The following LEKR1 variants were observed in gnomAD, a reference collection of about 807,000 sequenced individuals.
The protein encoded by LEKR1 is protein LEKR1.
Under a neutral mutation model 72.4 loss-of-function variants are expected in LEKR1, and 59 were observed. The observed-to-expected ratio is 0.82, with a 90% CI of 0.66 to 1.01. The LOEUF (loss-of-function observed/expected upper bound fraction) is 1.01. LEKR1 is among the 50% of genes least tolerant of loss of function. LEKR1 has a pLI of 0.00. For synonymous variants in LEKR1, 257 were observed against 263.2 expected, an observed-to-expected ratio of 0.98 and a Z score of 0.23; for missense variants, 728 against 759.2, an observed-to-expected ratio of 0.96 and a Z score of 0.48.
intron 6 of LEKR1, among the ~76,000 whole-genome samples, chr3:156,961,630 T>C (rs1728142020): frequency 6.6e-6 from 1 of 152,218 alleles, no homozygotes; most frequent in Admixed American, 6.5e-5. Flanking sequence ...GTAGCTTGTT[T>C]AGTGCTTGTG....
intron 3 of LEKR1, among the ~76,000 whole-genome samples, chr3:156,916,782 T>G (rs1723696617): frequency 6.6e-6 from 1 of 152,082 alleles, no homozygotes; most frequent in South Asian, 2.1e-4. Flanking sequence ...GTCAGAACTT[T>G]CAATAATATG....
intron 3 of LEKR1, among the ~76,000 whole-genome samples, chr3:156,904,611 A>G (rs1295654031): frequency 6.6e-6 from 1 of 150,858 alleles, no homozygotes; most frequent in Non-Finnish European, 1.5e-5. Context: ...GACACGCCAC[A>G]CTACACCCAG....
At chr3:157,006,022 G>A (rs1281334199) in intron 9 of LEKR1, among the ~76,000 whole-genome samples, 3 of 146,212 alleles carry the variant, frequency 2.1e-5, no homozygotes, top group East Asian at 3.9e-4. Context: ...TTTTTGAGAC[G>A]GAGTCTCGCT....
chr3:156,856,575 T>C (rs1307032226), intron 3 of LEKR1, among the ~76,000 whole-genome samples: 1 of 152,148 alleles, frequency 6.6e-6, no homozygotes, highest in Non-Finnish European at 1.5e-5. Flanking sequence ...AGGCTTCTTA[T>C]CCAGGAACAT....
At chr3:156,999,070 C>T (rs546596853) in intron 9 of LEKR1, among the ~76,000 whole-genome samples, 107 of 152,264 alleles carry the variant, frequency 7.0e-4, no homozygotes, top group African/African-American at 2.4e-3. Flanking sequence ...TTGCCCGGCA[C>T]TCACTCCATC....
At chr3:156,922,625 T>C (rs1032487713) in intron 4 of LEKR1, among the ~76,000 whole-genome samples, 15 of 152,330 alleles carry the variant, frequency 9.8e-5, no homozygotes, top group Non-Finnish European at 1.8e-4. Context: ...ATCTGTGTTT[T>C]CCCTGACATC....
intron 12 of LEKR1, among the ~76,000 whole-genome samples, chr3:157,031,990 A>T (rs1276896318): frequency 6.6e-6 from 1 of 152,106 alleles, no homozygotes; most frequent in African/African-American, 2.4e-5. Flanking sequence ...AAAATGGAAA[A>T]TAAAACTGTG....
intron 9 of LEKR1, among the ~76,000 whole-genome samples, chr3:157,010,425 T>C (rs947589182): frequency 2.6e-5 from 4 of 152,038 alleles, no homozygotes; most frequent in Admixed American, 1.3e-4. Flanking sequence ...GGAAAGATCA[T>C]AGGAGATGAT....
chr3:156,952,769 T>A (rs1403065756), intron 6 of LEKR1, among the ~76,000 whole-genome samples: 4 of 151,542 alleles, frequency 2.6e-5, no homozygotes, highest in Non-Finnish European at 4.4e-5. Context: ...AAGTTATTCT[T>A]TGAAGCATAG....
In LEKR1 at chr3:156,920,367, C is replaced by T. The variant is rs538024569; in HGVS notation, c.264-208C>T. Among the ~76,000 whole-genome samples the T allele has an allele frequency of 2.6e-5, 4 of 152,148 alleles. No individual in the cohort carries two copies. The South Asian group carries it at 8.3e-4, about 32-fold the overall frequency. On this transcript the variant is annotated intron_variant, in intron 3 of 12. Transcript: ENST00000356539. ...CTCTCTTCAATATTCTTTACTTTTT[C>T]CCCCTGCCCATAAATTCCACTCTCC...
At chr3:156,878,880 A>T (rs1718935679) in intron 3 of LEKR1, among the ~76,000 whole-genome samples, 1 of 152,146 alleles carries the variant, frequency 6.6e-6, no homozygotes, top group Non-Finnish European at 1.5e-5. Context: ...TTGTAAGAGG[A>T]AACCCTTTCA....
At chr3:156,834,634 C>T (rs1186893890) in intron 2 of LEKR1, among the ~76,000 whole-genome samples, 1 of 152,152 alleles carries the variant, frequency 6.6e-6, no homozygotes, top group African/African-American at 2.4e-5. Context: ...AGGACAAGAA[C>T]AGAGCTTTAG....
intron 12 of LEKR1, among the ~76,000 whole-genome samples, chr3:157,042,104 CA>C (rs1735391395): frequency 6.6e-6 from 1 of 152,024 alleles, no homozygotes; most frequent in Non-Finnish European, 1.5e-5. Context: ...GTTATAATCT[CA>C]ATTTTAGAGG....
intron 6 of LEKR1, among the ~76,000 whole-genome samples, chr3:156,971,521 A>C (rs1431763636): frequency 6.6e-6 from 1 of 152,178 alleles, no homozygotes; most frequent in Non-Finnish European, 1.5e-5. Flanking sequence ...GCTTCTGCAC[A>C]GCAAAAGAAA....
At chr3:156,885,110 A>G (rs1388352847) in intron 3 of LEKR1, among the ~76,000 whole-genome samples, 1 of 152,252 alleles carries the variant, frequency 6.6e-6, no homozygotes, top group East Asian at 1.9e-4. Flanking sequence ...TCCCTAAGGT[A>G]TCTTTCATTT....
At chr3:156,977,142 T>C (rs932562160) in intron 6 of LEKR1, among the ~76,000 whole-genome samples, 4 of 152,190 alleles carry the variant, frequency 2.6e-5, no homozygotes, top group Admixed American at 1.3e-4. Flanking sequence ...TCTCTGGGCA[T>C]GCAGCCCTTT....
At chr3:156,833,137 A>C (rs186964874) in intron 2 of LEKR1, among the ~76,000 whole-genome samples, 2 of 152,348 alleles carry the variant, frequency 1.3e-5, no homozygotes, top group East Asian at 3.9e-4. Context: ...AAAAAGGATC[A>C]GAAACATTTC....
At chr3:157,041,861 T>A (rs1197969213) in intron 12 of LEKR1, among the ~76,000 whole-genome samples, 1 of 152,216 alleles carries the variant, frequency 6.6e-6, no homozygotes, top group African/African-American at 2.4e-5. Context: ...CCAACCTTCA[T>A]CTTGACTAAA....
intron 6 of LEKR1, among the ~76,000 whole-genome samples, chr3:156,961,441 G>T (rs1002990908): frequency 6.6e-6 from 1 of 152,102 alleles, no homozygotes; most frequent in Non-Finnish European, 1.5e-5. Flanking sequence ...TTACACTCCT[G>T]CCCCTTTCCA....
Sources: allele counts gnomAD v4.1 joint callset (sites outside exome capture counted in the v4.1 genomes callset), GRCh38; gene constraint gnomAD v4.1.1; transcripts MANE v1.5; gene names NCBI Gene and HGNC (gene_info 2026-07-23, HGNC 2026-07-21).